Variants in SERPINC1 observed in about 807,000 individuals in gnomAD.
The protein encoded by SERPINC1 is antithrombin-III.
In SERPINC1, 12 loss-of-function variants were observed where a neutral mutation model predicts 43.4. That is an observed-to-expected ratio of 0.28 (90% confidence interval 0.18 to 0.45). SERPINC1 has a LOEUF of 0.45. Among genes scored for constraint, SERPINC1 ranks in the 20% least tolerant of loss-of-function variants. The pLI is 1.00. For synonymous variants in SERPINC1, 210 were observed against 218.9 expected (o/e 0.96, Z 0.36); for missense variants, 423 against 578.8 (o/e 0.73, Z 2.76).
chr1:173,911,824 G>A lies in SERPINC1; in HGVS notation c.599C>T (p.Ala200Val), dbSNP rs748428859. Residue 200 changes from alanine (A) to valine (V), a missense_variant, in exon 3 of 7, where the codon GCC (alanine) becomes GTC (valine). Physicochemically the swap from Ala to Val is moderately conservative, Grantham distance 64 (BLOSUM62 0). Transcript: ENST00000367698. The stretch of plus-strand genomic sequence containing the variant: ...CTTGAAGTCCAGGGGCTGGAGCTTG[G>A]CTCCATATACCAACTCACTGATGTC... ...YQDISELVYG[A>V]KLQPLDFKEN... 1 of 1,614,102 alleles carries A rather than the reference G, an allele frequency of 6.2e-7. No individual in the cohort carries two copies. The highest frequency in any genetic ancestry group is 1.1e-5 in the South Asian group (1 of 91,084).
Position 173,905,390 on chromosome 1 carries a change from T to C in SERPINC1, c.1219-1325A>G, listed in dbSNP as rs148518761. On this transcript the variant is annotated intron_variant, in intron 6 of 6. Transcript: ENST00000367698. Reference sequence around the variant, plus strand: ...ATGATTTTTGCACTTAGCCTTTCTGTCCACTCCAACTCCTGCTATCATTTG... The same window carrying C: ...ATGATTTTTGCACTTAGCCTTTCTGCCCACTCCAACTCCTGCTATCATTTG... 3.5e-3 allele frequency among the ~76,000 whole-genome samples: 528 copies of C among 152,300 alleles called. 3 individuals carry two copies. The highest frequency in any genetic ancestry group is 0.011 in the African/African-American group (453 of 41,568).
At chr1:173,905,653 G>A (rs1404010231) in intron 6 of SERPINC1, among the ~76,000 whole-genome samples, 4 of 151,996 alleles carry the variant, frequency 2.6e-5, no homozygotes, top group South Asian at 2.1e-4. Context: ...CCCAGGAGGC[G>A]GAGGTTGCAG....
At chr1:173,912,815 T>C (rs998813130) in intron 2 of SERPINC1, among the ~76,000 whole-genome samples, 3 of 152,036 alleles carry the variant, frequency 2.0e-5, no homozygotes, top group African/African-American at 7.2e-5. Flanking sequence ...CAAAGGAACA[T>C]GTGTGGTTTG....
At chr1:173,907,585 G>T in intron 5 of SERPINC1, 71 bp from the exon 6 acceptor site, 1 of 1,086,314 alleles carries the variant, frequency 9.2e-7, no homozygotes, top group Non-Finnish European at 1.4e-6. Flanking sequence ...TGGGAATTCA[G>T]TTTGGATTAA....
intron 1 of SERPINC1, among the ~76,000 whole-genome samples, chr1:173,915,846 AAACTG>A (rs1362698774): frequency 6.6e-6 from 1 of 152,204 alleles, no homozygotes; most frequent in Non-Finnish European, 1.5e-5. Flanking sequence ...AAACAGGACC[AAACTG>A]AACTGGTAAT....
At chr1:173,906,320 C>G (rs113650052) in intron 6 of SERPINC1, among the ~76,000 whole-genome samples, 1,819 of 152,358 alleles carry the variant, frequency 0.012, 39 homozygotes, top group African/African-American at 0.04. Flanking sequence ...TACTCTAACA[C>G]AGGGTTCCAT....
chr1:173,907,358 G>A, intron 6 of SERPINC1, 92 bp downstream of exon 6: 2 of 997,076 alleles, frequency 2.0e-6, no homozygotes, highest in East Asian at 2.4e-5. Context: ...CCTTTTGCAT[G>A]CCTTAACACT....
At chr1:173,909,528 G>A in intron 5 of SERPINC1, 24 bp downstream of exon 5, 2 of 1,611,980 alleles carry the variant, frequency 1.2e-6, no homozygotes, top group Non-Finnish European at 1.7e-6. Context: ...GTGGAGAAGG[G>A]AGGAAACTCC....
chr1:173,910,461 T>G (rs926004317), intron 4 of SERPINC1, among the ~76,000 whole-genome samples: 7 of 151,988 alleles, frequency 4.6e-5, no homozygotes, highest in Admixed American at 6.6e-5. Context: ...GGTGCCTGTA[T>G]TCCCAGCTAC....
At chr1:173,906,002 C>T (rs1186055625) in intron 6 of SERPINC1, among the ~76,000 whole-genome samples, 5 of 152,242 alleles carry the variant, frequency 3.3e-5, no homozygotes, top group Admixed American at 3.3e-4. Flanking sequence ...TTACTTAGCA[C>T]CATCCTCTGA....
intron 2 of SERPINC1, among the ~76,000 whole-genome samples, chr1:173,912,810 G>A (rs1657825421): frequency 6.6e-6 from 1 of 152,110 alleles, no homozygotes; most frequent in African/African-American, 2.4e-5. Context: ...AGGACCAAAG[G>A]AACATGTGTG....
In SERPINC1 at chr1:173,911,863, T is replaced by C. The variant is rs1657783494; in HGVS notation, c.560A>G (p.Asn187Ser). ...RLFGDKSLTFNETYQDISELV... is the reference protein window; with the variant it reads ...RLFGDKSLTFSETYQDISELV... ...CTCACTGATGTCCTGGTAGGTCTCATTGAAGGTAAGGGATTTGTCTCCAAA... is the reference window on the plus strand; with the variant it reads ...CTCACTGATGTCCTGGTAGGTCTCACTGAAGGTAAGGGATTTGTCTCCAAA... The change falls in exon 3 of 7, where the codon AAT (asparagine) becomes AGT (serine). Residue 187 changes from asparagine to serine, a missense_variant. Physicochemically the swap from Asn to Ser is conservative, Grantham distance 46. Coordinates refer to ENST00000367698, the MANE Select transcript of SERPINC1 (RefSeq NM_000488.4). 3.1e-6 allele frequency: 5 copies of C among 1,614,184 alleles called. No homozygotes were observed. The highest frequency in any genetic ancestry group is 2.2e-5 in the South Asian group (2 of 91,080).
chr1:173,915,474 G>A (rs543777351), intron 1 of SERPINC1, among the ~76,000 whole-genome samples: 9 of 152,268 alleles, frequency 5.9e-5, no homozygotes, highest in African/African-American at 1.9e-4. Context: ...TTGGGTGTTC[G>A]AGATCAGCCT....
intron 4 of SERPINC1, among the ~76,000 whole-genome samples, chr1:173,910,460 A>G (rs890868176): frequency 6.6e-6 from 1 of 152,116 alleles, no homozygotes; most frequent in African/African-American, 2.4e-5. Flanking sequence ...GGGTGCCTGT[A>G]TTCCCAGCTA....
chr1:173,910,032 T>A, intron 4 of SERPINC1, 90 bp from the exon 5 acceptor site: 1 of 1,301,916 alleles, frequency 7.7e-7, no homozygotes, highest in Non-Finnish European at 1.1e-6. Context: ...GTTACATTAA[T>A]ATATAATTAT....
At chr1:173,906,824 T>A (rs1364970723) in intron 6 of SERPINC1, among the ~76,000 whole-genome samples, 1 of 151,976 alleles carries the variant, frequency 6.6e-6, no homozygotes, top group Non-Finnish European at 1.5e-5. Flanking sequence ...TCTTAAAACT[T>A]CTCCCTAGGT....
chr1:173,914,650 T>A lies in SERPINC1; in HGVS notation c.311A>T (p.Asp104Val), dbSNP rs200118419. ...GGGTGACAGGAAAATGTTATCATTG[T>A]CATTCTTGGAATCTGCCAGGTGCTG... is the stretch of plus-strand genomic sequence containing the variant. ...FYQHLADSKN[D>V]NDNIFLSPLS... is the part of the protein sequence containing the mutation. The change falls in exon 2 of 7, where the codon GAC becomes GTC. Residue 104 changes from aspartate to valine, a missense_variant. Physicochemically the swap from Asp to Val is radical, Grantham distance 152. Transcript: ENST00000367698. The A allele has an allele frequency of 9.9e-6, 16 of 1,614,252 alleles. No individual in the cohort carries two copies. The highest frequency in any genetic ancestry group is 6.8e-6 in the Non-Finnish European group (8 of 1,180,052).
rs1204203278 is a variant in SERPINC1 at position 173,909,661 on chromosome 1, C to A, written c.1044G>T (p.Leu348=). The A allele has an allele frequency of 6.2e-7, 1 of 1,613,706 alleles. No individual in the cohort carries two copies. Among genetic ancestry groups the A allele is most frequent in the Non-Finnish European group, 8.5e-7 (1 of 1,179,668 alleles). Residue 348 remains leucine, a synonymous_variant, in exon 5 of 7, where the codon CTG becomes CTT. Transcript: ENST00000367698. ...TGCGGAAGCGGGGCATGTGGACCAC[C>A]AGCATCATCTCCTCCAATTCATCCA... is the stretch of plus-strand genomic sequence containing the variant. ...EWLDELEEMM[L]VVHMPRFRIE...
intron 2 of SERPINC1, 43 bp downstream of exon 2, chr1:173,914,510 G>A (rs765287553): frequency 3.0e-5 from 49 of 1,612,670 alleles, no homozygotes; most frequent in Non-Finnish European, 4.0e-5. Flanking sequence ...AGCCCCAAAG[G>A]TGCTCCTAAC....
Sources: gnomAD v4.1 joint callset for allele counts (sites outside exome capture counted in the v4.1 genomes callset) on GRCh38, gnomAD v4.1.1 for gene constraint, MANE v1.5 for transcripts, NCBI Gene and HGNC (gene_info 2026-07-23, HGNC 2026-07-21) for gene names.